The following PACSIN2 variants were observed in gnomAD, a reference collection of about 807,000 sequenced individuals.
PACSIN2 encodes the protein protein kinase C and casein kinase substrate in neurons 2.
Under a neutral mutation model 63.8 loss-of-function variants are expected in PACSIN2, and 25 were observed. The ratio of observed to expected loss-of-function variants is 0.39; its 90% CI spans 0.29 to 0.55. PACSIN2 has a LOEUF of 0.55. Among genes scored for constraint, PACSIN2 ranks in the 20% least tolerant of loss-of-function variants. The pLI is 0.62. For missense variants in PACSIN2, 518 were observed against 646.9 expected, an observed-to-expected ratio of 0.80 and a Z score of 2.16; for synonymous variants, 255 against 256.2, an observed-to-expected ratio of 1.00 and a Z score of 0.05.
chr22:42,890,894 TG>T, intron 4 of PACSIN2, 52 bp downstream of exon 4: 1 of 1,448,284 alleles, frequency 6.9e-7, no homozygotes, highest in Non-Finnish European at 9.7e-7. Flanking sequence ...GTGCTGCTAG[TG>T]GGGTGCCAGG....
intron 1 of PACSIN2, among the ~76,000 whole-genome samples, chr22:43,014,325 C>G (rs1569383300): frequency 2.6e-4 from 5 of 19,092 alleles, no homozygotes; most frequent in South Asian, 2.2e-3. Flanking sequence ...CCGCCCTACA[C>G]ACACACACAC....
chr22:42,884,217 G>A (rs1929297266), intron 6 of PACSIN2, among the ~76,000 whole-genome samples, 169 bp downstream of exon 6: 2 of 152,164 alleles, frequency 1.3e-5, no homozygotes, highest in Non-Finnish European at 2.9e-5. Context: ...CTCAGCAGAG[G>A]GGCCCTCCCT....
rs758769216 is a variant in PACSIN2, at chr22:42,879,148, G to A, written c.928C>T (p.Arg310Ter). 2 of 1,613,954 alleles carry A rather than the reference G, an allele frequency of 1.2e-6. No homozygotes were observed. The highest frequency in any genetic ancestry group is 1.7e-6 in the Non-Finnish European group (2 of 1,179,934). ...QFEEWSADLNRTLSRREKKKA... is the reference protein window; with the variant it reads ...QFEEWSADLN ...TTCTTCTCTCTCCGGCTGAGGGTTCGATTCAGGTCTGCGGACCACTCCTAG... is the reference window on the plus strand; with the variant it reads ...TTCTTCTCTCTCCGGCTGAGGGTTCAATTCAGGTCTGCGGACCACTCCTAG... Residue 310 changes from arginine to a stop codon, truncating the protein, a stop_gained, in exon 8 of 11, where the codon CGA becomes TGA. Coordinates refer to ENST00000263246, the MANE Select transcript of PACSIN2 (RefSeq NM_001184970.3). LOFTEE classifies it high-confidence loss of function.
At chr22:43,007,005 G>A (rs1924135732) in intron 1 of PACSIN2, among the ~76,000 whole-genome samples, 2 of 152,096 alleles carry the variant, frequency 1.3e-5, no homozygotes, top group Non-Finnish European at 2.9e-5. Context: ...AGACAGAGGT[G>A]ACCTTTGTGA....
chr22:43,012,993 T>C (rs1031193670), intron 1 of PACSIN2, among the ~76,000 whole-genome samples: 2 of 152,248 alleles, frequency 1.3e-5, no homozygotes. Flanking sequence ...GGTTTCACCA[T>C]GTTAGCCAGG....
chr22:42,949,878 T>C (rs188157435), intron 1 of PACSIN2, among the ~76,000 whole-genome samples: 2 of 152,376 alleles, frequency 1.3e-5, no homozygotes, highest in Non-Finnish European at 2.9e-5. Context: ...ATTTTACAAA[T>C]TATTTTACAT....
At chr22:43,013,690 A>T (rs918471191) in intron 1 of PACSIN2, among the ~76,000 whole-genome samples, 1 of 152,222 alleles carries the variant, frequency 6.6e-6, no homozygotes, top group African/African-American at 2.4e-5. Flanking sequence ...ACCGCAGAGG[A>T]AGGCACCGAA....
chr22:42,935,604 A>G (rs572226310), intron 1 of PACSIN2, among the ~76,000 whole-genome samples: 31 of 152,354 alleles, frequency 2.0e-4, no homozygotes, highest in Admixed American at 3.3e-4. Flanking sequence ...ATTATTCATC[A>G]AGTCCTATAA....
intron 1 of PACSIN2, among the ~76,000 whole-genome samples, chr22:42,958,843 A>G (rs1934019377): frequency 6.6e-6 from 1 of 152,234 alleles, no homozygotes; most frequent in Non-Finnish European, 1.5e-5. Context: ...TCCAGTAAGT[A>G]TAATTCACTG....
chr22:42,916,228 C>T (rs1931797123), intron 1 of PACSIN2, among the ~76,000 whole-genome samples: 1 of 152,170 alleles, frequency 6.6e-6, no homozygotes, highest in African/African-American at 2.4e-5. Context: ...TGGCCGGCAC[C>T]CTGGGCTTCA....
intron 1 of PACSIN2, among the ~76,000 whole-genome samples, chr22:42,982,888 A>AAAAAAAAAAAAAAAAAAAAAAAAAAC (rs759532303): frequency 1.9e-5 from 2 of 105,206 alleles, no homozygotes; most frequent in Non-Finnish European, 4.2e-5. Context: ...AAAAAAAAAA[A>AAAAAAAAAAAAAAAAAAAAAAAAAAC]AACAACAACA....
At chr22:42,919,915 C>T (rs1226305124) in intron 1 of PACSIN2, among the ~76,000 whole-genome samples, 1 of 149,202 alleles carries the variant, frequency 6.7e-6, no homozygotes, top group Non-Finnish European at 1.5e-5. Context: ...CCACCCTGGG[C>T]AACACAGTGA....
chr22:42,952,677 T>C (rs1279233512), intron 1 of PACSIN2, among the ~76,000 whole-genome samples: 1 of 151,760 alleles, frequency 6.6e-6, no homozygotes, highest in African/African-American at 2.4e-5. Context: ...ATTTTTTTTT[T>C]TTTGAGATGG....
At chr22:42,882,609 T>A (rs1251210333) in intron 6 of PACSIN2, among the ~76,000 whole-genome samples, 1 of 152,192 alleles carries the variant, frequency 6.6e-6, no homozygotes, top group Non-Finnish European at 1.5e-5. Flanking sequence ...CTCTGTGTGG[T>A]CCCATTTCAC....
chr22:43,000,243 C>G (rs912205725), intron 1 of PACSIN2, among the ~76,000 whole-genome samples: 1 of 152,182 alleles, frequency 6.6e-6, no homozygotes, highest in African/African-American at 2.4e-5. Flanking sequence ...CAGGTCAGGA[C>G]CCCAAAAGCC....
Position 42,978,610 on chromosome 22 carries a change from C to G in PACSIN2, c.-78+36411G>C, listed in dbSNP as rs140977423. 1.3e-3 allele frequency among the ~76,000 whole-genome samples: 191 copies of G among 152,322 alleles called. 2 individuals are homozygous for G. In the East Asian group the frequency reaches 0.03, roughly 24 times the overall value. On this transcript the variant is annotated intron_variant, in intron 1 of 10. Coordinates refer to ENST00000263246, the MANE Select transcript of PACSIN2 (RefSeq NM_001184970.3). The stretch of plus-strand genomic sequence containing the variant: ...AAGCAGGAAGGTTTCCATGCCCGCA[C>G]TGACGGTAAGTTGTGGGAGGCAGTC...
chr22:42,976,108 G>A (rs906074189), intron 1 of PACSIN2, among the ~76,000 whole-genome samples: 2 of 152,194 alleles, frequency 1.3e-5, no homozygotes, highest in African/African-American at 4.8e-5. Context: ...TTGCATGTAG[G>A]AGAGGAAAAG....
intron 1 of PACSIN2, among the ~76,000 whole-genome samples, chr22:42,933,889 G>A (rs973922037): frequency 2.6e-5 from 4 of 152,228 alleles, no homozygotes; most frequent in African/African-American, 7.2e-5. Flanking sequence ...ACAAGCAGAC[G>A]AGGAAATATT....
At chr22:42,886,802 A>G (rs1390123006) in intron 5 of PACSIN2, among the ~76,000 whole-genome samples, 4 of 152,116 alleles carry the variant, frequency 2.6e-5, no homozygotes, top group Non-Finnish European at 5.9e-5. Context: ...CCAAAGAGGC[A>G]GGGAGGGTCC....
Sources: allele counts gnomAD v4.1 joint callset (sites outside exome capture counted in the v4.1 genomes callset), GRCh38; gene constraint gnomAD v4.1.1; transcripts MANE v1.5; gene names NCBI Gene and HGNC (gene_info 2026-07-23, HGNC 2026-07-21).